Variants in ATF6B observed in about 807,000 individuals in gnomAD.
ATF6B encodes activating transcription factor 6 beta.
ATF6B carries 50 observed loss-of-function variants against 83.5 expected under a neutral mutation model. The observed-to-expected ratio is 0.60, with a 90% CI of 0.48 to 0.76. ATF6B has a LOEUF of 0.76. ATF6B is among the 30% of genes least tolerant of loss of function. ATF6B has a pLI of 0.00. For synonymous variants in ATF6B, 344 were observed against 362.8 expected (o/e 0.95, Z 0.59); for missense variants, 790 against 893.8 (o/e 0.88, Z 1.48).
chr6:32,128,212 C>CG lies in ATF6B; in HGVS notation c.-6_-5insC. 8.2e-7 allele frequency: 1 copy of CG among 1,213,748 alleles called. No individual in the cohort carries two copies. Among genetic ancestry groups the CG allele is most frequent in the Non-Finnish European group, 1.1e-6 (1 of 877,028 alleles). The allele number at this position is 1,213,748 out of a possible 1,614,324, so 75.2% of individuals were successfully genotyped here. On this transcript the variant is annotated 5_prime_UTR_variant, in exon 1 of 18. Coordinates refer to ENST00000375203, the MANE Select transcript of ATF6B (RefSeq NM_004381.5). ...GAGCAGCATCAGCTCCGCCATCTTT[C>CG]CCCCCCACCCCCCAACCAGGAGACG... is the stretch of plus-strand genomic sequence containing the variant.
chr6:32,126,671 C>A (rs1295690799), intron 4 of ATF6B, among the ~76,000 whole-genome samples: 1 of 151,992 alleles, frequency 6.6e-6, no homozygotes, highest in African/African-American at 2.4e-5. Context: ...CCACTCTGGG[C>A]AACATAGGAA....
In ATF6B at chr6:32,118,047, A is replaced by T. The variant is rs200361080; in HGVS notation, c.1245-9T>A. 4.3e-6 allele frequency: 7 copies of T among 1,614,186 alleles called. No homozygotes were observed. Among genetic ancestry groups the T allele is most frequent in the Middle Eastern group, 1.7e-4 (1 of 6,030 alleles). On this transcript the variant is annotated splice_polypyrimidine_tract_variant and intron_variant, in intron 11 of 17. Coordinates refer to ENST00000375203, the MANE Select transcript of ATF6B (RefSeq NM_004381.5). The surrounding 1 kb of genome is among the most constrained non-coding windows in gnomAD (Gnocchi z 5.2). ...AAGGAGGCTCACTGATGCTGTGGAT[A>T]AAGAAGGACTGAGCACAATGAAGAA...
Position 32,120,789 on chromosome 6 carries a change from G to A in ATF6B, c.814C>T (p.Leu272Phe). 1 of 1,610,680 alleles carries A rather than the reference G, an allele frequency of 6.2e-7. No individual in the cohort carries two copies. Among genetic ancestry groups the A allele is most frequent in the Non-Finnish European group, 8.5e-7 (1 of 1,178,142 alleles). The change falls in exon 8 of 18, where the codon CTC (leucine) becomes TTC (phenylalanine). Residue 272 changes from leucine to phenylalanine, a missense_variant. Leu to Phe is a conservative substitution (Grantham distance 22). This residue lies in a region of ATF6B where 530 missense variants were observed against 632.6 expected (regional missense o/e 0.84). Transcript: ENST00000375203. Reference protein sequence around the residue: ...PPSTTVLLQSLVQPPPVSPVV... With the variant: ...PPSTTVLLQSFVQPPPVSPVV... ...TCAGTACCTGGGGGTGGCTGGACGAGGGACTGCAGAAGGACTGTGGTGCTG... is the reference window on the plus strand; with the variant it reads ...TCAGTACCTGGGGGTGGCTGGACGAAGGACTGCAGAAGGACTGTGGTGCTG...
At position 32,117,781 on chromosome 6, in the gene ATF6B, G is replaced by A; in HGVS notation, c.1424+78C>T. 6.3e-7 allele frequency: 1 copy of A among 1,575,188 alleles called. No homozygotes were observed. Among genetic ancestry groups the A allele is most frequent in the African/African-American group, 1.4e-5 (1 of 74,040 alleles). ...GGCGATGACGGCAAGAGAAAGCTTT[G>A]GGTCCCCCTCACTGAAAGCGGGGAG... is the stretch of plus-strand genomic sequence containing the variant. On this transcript the variant is annotated intron_variant, in intron 12 of 17. Transcript: ENST00000375203. This position sits in a 1 kb window ranked among gnomAD's most constrained non-coding sequence, Gnocchi z 5.0.
Position 32,118,081 on chromosome 6 carries a change from G to GT in ATF6B, c.1245-44dup, listed in dbSNP as rs554244001. On this transcript the variant is annotated intron_variant, in intron 11 of 17. Transcript: ENST00000375203. This position sits in a 1 kb window ranked among gnomAD's most constrained non-coding sequence, Gnocchi z 5.2. ...CTGAGCACAATGAAGAATTTCAGCT[G>GT]TATCAAGTATCTAGGTAAGAATAAA... 801 of 1,609,994 alleles carry GT rather than the reference G, an allele frequency of 5.0e-4. 12 individuals are homozygous for GT. The Admixed American group carries it at 0.013, about 27-fold the overall frequency.
In ATF6B at chr6:32,125,629, T is replaced by TG. The variant is rs1459694988; in HGVS notation, c.478+487dup. ...ACAAAAAATTAGCTGGGCGTGGTGG[T>TG]GGGTGCCTGTAATCCCAGCTACTTG... is the stretch of plus-strand genomic sequence containing the variant. On this transcript the variant is annotated intron_variant, in intron 5 of 17. Coordinates refer to ENST00000375203, the MANE Select transcript of ATF6B (RefSeq NM_004381.5). The surrounding 1 kb of genome is among the most constrained non-coding windows in gnomAD (Gnocchi z 4.1). 6.6e-6 allele frequency among the ~76,000 whole-genome samples: 1 copy of TG among 151,912 alleles called. No individual in the cohort carries two copies. The highest frequency in any genetic ancestry group is 1.5e-5 in the Non-Finnish European group (1 of 67,982).
intron 5 of ATF6B, 37 bp from the exon 6 acceptor site, chr6:32,121,385 T>C (rs780423384): frequency 5.1e-6 from 8 of 1,578,504 alleles, no homozygotes; most frequent in South Asian, 2.2e-5. Flanking sequence ...CTGGATATCA[T>C]GTAAACACTG....
chr6:32,120,994 G>A lies in ATF6B; in HGVS notation c.695C>T (p.Ser232Phe), dbSNP rs773380009. 3 of 1,521,834 alleles carry A rather than the reference G, an allele frequency of 2.0e-6. No homozygotes were observed. Among genetic ancestry groups the A allele is most frequent in the African/African-American group, 1.4e-5 (1 of 71,748 alleles). 94.3% of individuals were successfully genotyped at this position (1,521,834 alleles called of 1,614,324 possible). ...GTGTCAGGAGACTCCATTACCTGAG[G>A]AGCCATCAAGGGATGGGCCCATGCT... ...QISMGPSLDG[S>F]SGKALPTRKP... Residue 232 changes from serine to phenylalanine, a missense_variant, in exon 7 of 18, where the codon TCC becomes TTC. Coordinates refer to ENST00000375203, the MANE Select transcript of ATF6B (RefSeq NM_004381.5).
chr6:32,121,204 C>G, intron 6 of ATF6B, 59 bp downstream of exon 6: 1 of 1,610,174 alleles, frequency 6.2e-7, no homozygotes, highest in Non-Finnish European at 8.5e-7. Flanking sequence ...GCTCTCATAC[C>G]TCTAGGTCAG....
Position 32,120,854 on chromosome 6 carries a change from A to G in ATF6B, c.749T>C (p.Val250Ala). 1 of 1,579,966 alleles carries G rather than the reference A, an allele frequency of 6.3e-7. No homozygotes were observed. Residue 250 changes from valine (V) to alanine (A), a missense_variant, in exon 8 of 18, where the codon GTG (valine) becomes GCG (alanine). Coordinates refer to ENST00000375203, the MANE Select transcript of ATF6B (RefSeq NM_004381.5). ...RKPPLQPKPV[V>A]LTTVPMPSRA... is the part of the protein sequence containing the mutation. ...GGATGGCATTGGGACAGTGGTTAGCACTACAGGTTTGGGCTGCAGTGGCGG... is the reference window on the plus strand; with the variant it reads ...GGATGGCATTGGGACAGTGGTTAGCGCTACAGGTTTGGGCTGCAGTGGCGG...
chr6:32,120,948 G>C (rs367834828), intron 7 of ATF6B, 41 bp downstream of exon 7: 4 of 1,520,506 alleles, frequency 2.6e-6, no homozygotes, highest in Admixed American at 2.2e-5. Flanking sequence ...AGGACCAAAG[G>C]CCTCTCACTA....
Position 32,118,156 on chromosome 6 carries a change from T to A in ATF6B, c.1245-118A>T. The A allele has an allele frequency of 7.9e-7, 1 of 1,270,940 alleles. No homozygotes were observed. Among genetic ancestry groups the A allele is most frequent in the Non-Finnish European group, 1.1e-6 (1 of 898,194 alleles). 78.7% of individuals were successfully genotyped at this position (1,270,940 alleles called of 1,614,324 possible). A position where few individuals can be genotyped will look rare whatever the true frequency, so the allele number is the denominator to read the frequency against. On this transcript the variant is annotated intron_variant, in intron 11 of 17. Coordinates refer to ENST00000375203, the MANE Select transcript of ATF6B (RefSeq NM_004381.5). This position sits in a 1 kb window ranked among gnomAD's most constrained non-coding sequence, Gnocchi z 5.2. Reference sequence around the variant, plus strand: ...TTGCAATCTGTTATACAAGCCTGAGTCTGCCTCTGTAAGATGGGAATAAGG... The same window carrying A: ...TTGCAATCTGTTATACAAGCCTGAGACTGCCTCTGTAAGATGGGAATAAGG...
rs532891272 is a variant in ATF6B, at chr6:32,122,537, A to C, written c.479-1189T>G. 1.4e-3 allele frequency among the ~76,000 whole-genome samples: 209 copies of C among 152,280 alleles called. 2 individuals are homozygous for C. Among genetic ancestry groups the C allele is most frequent in the Middle Eastern group, 6.8e-3 (2 of 294 alleles). Reference sequence around the variant, plus strand: ...AGTCATGATACAAATCCAAACGAACAAAGGAAAATTAAGTCAAAAAAAAAA... The same window carrying C: ...AGTCATGATACAAATCCAAACGAACCAAGGAAAATTAAGTCAAAAAAAAAA... On this transcript the variant is annotated intron_variant, in intron 5 of 17. Coordinates refer to ENST00000375203, the MANE Select transcript of ATF6B (RefSeq NM_004381.5).
rs1432398431 is a variant in ATF6B, at chr6:32,118,181, G to A, written c.1245-143C>T. 2 of 1,027,070 alleles carry A rather than the reference G, an allele frequency of 1.9e-6. No homozygotes were observed. The highest frequency in any genetic ancestry group is 5.0e-5 in the East Asian group (2 of 39,838). 63.6% of individuals were successfully genotyped at this position (1,027,070 alleles called of 1,614,324 possible). ...TCTGCCTCTGTAAGATGGGAATAAG[G>A]ATGGTCCCTACATACAAAAAAGACA... On this transcript the variant is annotated intron_variant, in intron 11 of 17. Transcript: ENST00000375203. The surrounding 1 kb of genome is among the most constrained non-coding windows in gnomAD (Gnocchi z 5.2).
At position 32,119,806 on chromosome 6, in the gene ATF6B, C is replaced by T. The variant is rs1781679099; in HGVS notation, c.966+18G>A. On this transcript the variant is annotated intron_variant, in intron 9 of 17. Transcript: ENST00000375203. The surrounding 1 kb of genome is among the most constrained non-coding windows in gnomAD (Gnocchi z 4.9). ...CCTTCCCATCACTCGCCCTACTTCT[C>T]TCCTCCCCAACACTTACATCCACTT... 1 of 1,612,856 alleles carries T rather than the reference C, an allele frequency of 6.2e-7. No homozygotes were observed. The highest frequency in any genetic ancestry group is 8.5e-7 in the Non-Finnish European group (1 of 1,179,316).
At position 32,116,984 on chromosome 6, in the gene ATF6B, G is replaced by C. The variant is rs1454432597; in HGVS notation, c.1685+53C>G. The C allele has an allele frequency of 1.8e-5, 29 of 1,586,064 alleles. No individual in the cohort carries two copies. Among genetic ancestry groups the C allele is most frequent in the Non-Finnish European group, 1.1e-5 (13 of 1,155,650 alleles). Reference sequence around the variant, plus strand: ...GCACAGGACAGCTACTGGGGGTACAGCTCTTGAAAGTGGAATTTCACTTAA... The same window carrying C: ...GCACAGGACAGCTACTGGGGGTACACCTCTTGAAAGTGGAATTTCACTTAA... On this transcript the variant is annotated intron_variant, in intron 15 of 17. Transcript: ENST00000375203. This position sits in a 1 kb window ranked among gnomAD's most constrained non-coding sequence, Gnocchi z 5.1.
chr6:32,120,961 G>A, intron 7 of ATF6B, 28 bp downstream of exon 7: 1 of 1,518,828 alleles, frequency 6.6e-7, no homozygotes, highest in South Asian at 1.3e-5. Context: ...TCTCACTAGG[G>A]ATTCCAAGTG....
intron 6 of ATF6B, 52 bp downstream of exon 6, chr6:32,121,211 T>C (rs76024631): frequency 0.056 from 89,391 of 1,609,998 alleles, 2,835 homozygotes; most frequent in East Asian, 0.087. Flanking sequence ...TACCTCTAGG[T>C]CAGGAGGAAC....
Position 32,127,343 on chromosome 6 carries a change from T to C in ATF6B, c.250+99A>G, listed in dbSNP as rs528354374. 269 of 1,412,058 alleles carry C rather than the reference T, an allele frequency of 1.9e-4. 2 individuals carry two copies. In the South Asian group the frequency reaches 2.8e-3, roughly 15 times the overall value. The allele number at this position is 1,412,058 out of a possible 1,614,324, so 87.5% of individuals were successfully genotyped here. ...TTGAAGGAGAGAGGATAGGCACTTA[T>C]GTAGAAGCGTGAGGATATAGGAAGC... On this transcript the variant is annotated intron_variant, in intron 3 of 17. Coordinates refer to ENST00000375203, the MANE Select transcript of ATF6B (RefSeq NM_004381.5).
Sources: allele counts gnomAD v4.1 joint callset (sites outside exome capture counted in the v4.1 genomes callset), GRCh38; gene constraint gnomAD v4.1.1; regional missense constraint gnomAD v4.1.1; non-coding constraint Gnocchi (gnomAD v3.1); transcripts MANE v1.5; gene names NCBI Gene and HGNC (gene_info 2026-07-23, HGNC 2026-07-21).